Variants in TP53I11 observed in about 807,000 individuals in gnomAD.
The protein encoded by TP53I11 is tumor protein p53-inducible protein 11.
A neutral mutation model predicts 23.3 loss-of-function variants in TP53I11; 9 were observed. The ratio of observed to expected loss-of-function variants is 0.39; its 90% CI spans 0.23 to 0.67. TP53I11 has a LOEUF of 0.67. TP53I11 is among the 30% of genes least tolerant of loss of function. The probability of loss-of-function intolerance (pLI) is 0.48; values close to 1 mark genes in which losing one functional copy is unlikely to be tolerated. For synonymous variants in TP53I11, 100 were observed against 106.1 expected (o/e 0.94, Z 0.35); for missense variants, 170 against 255.2 (o/e 0.67, Z 2.27).
chr11:44,937,655 C>A (rs2279362), intron 2 of TP53I11, 42 bp from the exon 3 acceptor site: 115,850 of 1,594,948 alleles, frequency 0.073, 4,641 homozygotes, highest in Admixed American at 0.13. Context: ...GTGAGGGCAG[C>A]TCTCAGCGCC....
rs1434826628 is a variant in TP53I11, at chr11:44,934,714, ACAGCACACGGGGTG to A, written c.*156_*169del. ...GTCAAGCCTGAAAGCCCAGGAGATC[ACAGCACACGGGGTG>A]CCCAGGAGGAAAGGAAGGCCCCCCA... On this transcript the variant is annotated 3_prime_UTR_variant, in exon 7 of 7. Coordinates refer to ENST00000525680, the MANE Select transcript of TP53I11 (RefSeq NM_006034.5). 1.1e-6 allele frequency: 1 copy of A among 877,134 alleles called. No homozygotes were observed. Among genetic ancestry groups the A allele is most frequent in the Non-Finnish European group, 1.7e-6 (1 of 590,218 alleles). The allele number at this position is 877,134 out of a possible 1,614,324, so 54.3% of individuals were successfully genotyped here.
chr11:44,943,620 C>T (rs1285444118), intron 1 of TP53I11, among the ~76,000 whole-genome samples: 2 of 152,228 alleles, frequency 1.3e-5, no homozygotes, highest in South Asian at 4.1e-4. Flanking sequence ...CTCCTTGTTC[C>T]TCCAGGCTAT....
At chr11:44,937,160 T>G in intron 4 of TP53I11, 144 bp downstream of exon 4, 1 of 1,038,942 alleles carries the variant, frequency 9.6e-7, no homozygotes. Flanking sequence ...AGTGTAGGAG[T>G]CAGGTTCTCG....
intron 1 of TP53I11, among the ~76,000 whole-genome samples, chr11:44,942,027 CACACACCACACACAT>C (rs1861826347): frequency 6.7e-6 from 1 of 150,202 alleles, no homozygotes; most frequent in African/African-American, 2.5e-5. Flanking sequence ...ACACACACAC[CACACACCACACACAT>C]ACACACCACA....
rs1409636548 is a variant in TP53I11, at chr11:44,934,763, TC to T, written c.*120del. ...AAAGGAAGGCCCCCCACCCCCTGCC[TC>T]CCTGGGGCAGGACTGGGGCAGGGCA... On this transcript the variant is annotated 3_prime_UTR_variant, in exon 7 of 7. Coordinates refer to ENST00000525680, the MANE Select transcript of TP53I11 (RefSeq NM_006034.5). 1 of 1,383,872 alleles carries T rather than the reference TC, an allele frequency of 7.2e-7. No individual in the cohort carries two copies. Among genetic ancestry groups the T allele is most frequent in the Non-Finnish European group, 9.7e-7 (1 of 1,027,736 alleles). 85.7% of individuals were successfully genotyped at this position (1,383,872 alleles called of 1,614,324 possible).
chr11:44,936,235 T>C lies in TP53I11; in HGVS notation c.334+568A>G, dbSNP rs1375773746. 9.6e-7 allele frequency: 1 copy of C among 1,042,484 alleles called. No homozygotes were observed. The allele number at this position is 1,042,484 out of a possible 1,614,324, so 64.6% of individuals were successfully genotyped here. The stretch of plus-strand genomic sequence containing the variant: ...CATGCCACTGGGTGTGCATTTATTT[T>C]ATTCCAGCAACCCTAACTCCAGAGG... On this transcript the variant is annotated intron_variant, in intron 5 of 6. Coordinates refer to ENST00000525680, the MANE Select transcript of TP53I11 (RefSeq NM_006034.5). The surrounding 1 kb of genome is among the most constrained non-coding windows in gnomAD (Gnocchi z 4.4).
At position 44,950,832 on chromosome 11, in the gene TP53I11, G is replaced by A; in HGVS notation, c.-187C>T. 1 of 152,428 alleles carries A rather than the reference G, an allele frequency of 6.6e-6. No homozygotes were observed. The highest frequency in any genetic ancestry group is 1.5e-5 in the Non-Finnish European group (1 of 68,470). The allele number at this position is 152,428 out of a possible 1,614,324, so 9.4% of individuals were successfully genotyped here. ...GGACAGGGCAGGGCAGGGCAGGGCC[G>A]GGCCGGCTGGACTGCGCGCGGCGCC... is the stretch of plus-strand genomic sequence containing the variant. On this transcript the variant is annotated 5_prime_UTR_variant, in exon 1 of 7. Transcript: ENST00000525680.
intron 1 of TP53I11, among the ~76,000 whole-genome samples, chr11:44,944,178 TG>T (rs1382989294): frequency 1.3e-5 from 2 of 152,010 alleles, no homozygotes; most frequent in South Asian, 2.1e-4. Flanking sequence ...GACCTGGCAG[TG>T]GGGGGTCTGG....
At chr11:44,937,802 A>C (rs1861324841) in intron 2 of TP53I11, among the ~76,000 whole-genome samples, 189 bp from the exon 3 acceptor site, 1 of 152,222 alleles carries the variant, frequency 6.6e-6, no homozygotes, top group Non-Finnish European at 1.5e-5. Context: ...ACTAGGATTT[A>C]AAAGAAGCTG....
intron 1 of TP53I11, among the ~76,000 whole-genome samples, chr11:44,938,656 G>A (rs1458150809): frequency 6.6e-6 from 1 of 152,224 alleles, no homozygotes; most frequent in African/African-American, 2.4e-5. Context: ...GGGCCCAGGA[G>A]AGGGCATTTG....
chr11:44,944,562 A>G (rs2863135), intron 1 of TP53I11, among the ~76,000 whole-genome samples: 127,852 of 152,110 alleles, frequency 0.84, 53,792 homozygotes, highest in Non-Finnish European at 0.85. Context: ...CTTTTTGGGG[A>G]TACAAGAGTC....
chr11:44,942,425 AC>A (rs1430285849), intron 1 of TP53I11, among the ~76,000 whole-genome samples: 6 of 116,024 alleles, frequency 5.2e-5, no homozygotes, highest in Non-Finnish European at 8.7e-5. Context: ...ACACACACAC[AC>A]CATACACACA....
chr11:44,937,987 CAAG>C (rs999209939), intron 2 of TP53I11, among the ~76,000 whole-genome samples: 3 of 152,170 alleles, frequency 2.0e-5, no homozygotes, highest in Admixed American at 6.5e-5. Context: ...CTAGTGCCAA[CAAG>C]AAGATTTAAA....
chr11:44,937,688 G>A lies in TP53I11; in HGVS notation c.130-75C>T, dbSNP rs1861309328. On this transcript the variant is annotated intron_variant, in intron 2 of 6. Coordinates refer to ENST00000525680, the MANE Select transcript of TP53I11 (RefSeq NM_006034.5). ...GCCCCCACTCGCTCATCCTCCCAGA[G>A]CCCTGCACACCCAGGGACCAGCCTG... The A allele has an allele frequency of 6.6e-6, 10 of 1,508,164 alleles. No individual in the cohort carries two copies. The South Asian group carries it at 6.9e-5, about 10-fold the overall frequency. The allele number at this position is 1,508,164 out of a possible 1,614,324, so 93.4% of individuals were successfully genotyped here. A position where few individuals can be genotyped will look rare whatever the true frequency, so the allele number is the denominator to read the frequency against.
intron 1 of TP53I11, among the ~76,000 whole-genome samples, chr11:44,946,100 C>G (rs1862368009): frequency 6.6e-6 from 1 of 152,292 alleles, no homozygotes; most frequent in East Asian, 1.9e-4. Flanking sequence ...TTCCTTCCAC[C>G]GTAAATGGGG....
At chr11:44,944,773 A>C (rs566194581) in intron 1 of TP53I11, among the ~76,000 whole-genome samples, 4 of 152,318 alleles carry the variant, frequency 2.6e-5, no homozygotes, top group African/African-American at 9.6e-5. Context: ...ATGATAAGAA[A>C]GTGCAGCTGA....
intron 5 of TP53I11, chr11:44,935,941 A>C: frequency 1.9e-6 from 1 of 523,148 alleles, no homozygotes; most frequent in South Asian, 2.2e-5. Flanking sequence ...CGATCTCTTT[A>C]TAAAGGGGGA....
At chr11:44,943,698 A>G (rs776328933) in intron 1 of TP53I11, among the ~76,000 whole-genome samples, 1 of 151,926 alleles carries the variant, frequency 6.6e-6, no homozygotes, top group Non-Finnish European at 1.5e-5. Context: ...CTGGACTCTC[A>G]CGGGTCTCAG....
In TP53I11 at chr11:44,936,747, G is replaced by T; in HGVS notation, c.334+56C>A. On this transcript the variant is annotated intron_variant, in intron 5 of 6. Coordinates refer to ENST00000525680, the MANE Select transcript of TP53I11 (RefSeq NM_006034.5). The surrounding 1 kb of genome is among the most constrained non-coding windows in gnomAD (Gnocchi z 4.4). ...GGACCCCCGTGCTCTCCTCAGCCCC[G>T]CTGGGTCTCCCAGCTGCCCGTCGCC... The T allele has an allele frequency of 1.4e-6, 2 of 1,458,758 alleles. No homozygotes were observed. The highest frequency in any genetic ancestry group is 1.4e-5 in the South Asian group (1 of 70,792). The allele number at this position is 1,458,758 out of a possible 1,614,324, so 90.4% of individuals were successfully genotyped here. A position where few individuals can be genotyped will look rare whatever the true frequency, so the allele number is the denominator to read the frequency against.
Sources: allele counts gnomAD v4.1 joint callset (sites outside exome capture counted in the v4.1 genomes callset), GRCh38; gene constraint gnomAD v4.1.1; non-coding constraint Gnocchi (gnomAD v3.1); transcripts MANE v1.5; gene names NCBI Gene and HGNC (gene_info 2026-07-23, HGNC 2026-07-21).